LRRC20: variants seen among roughly 807,000 people sequenced by gnomAD.
LRRC20 encodes leucine-rich repeat-containing protein 20.
A neutral mutation model predicts 14.4 loss-of-function variants in LRRC20; 11 were observed. That is an observed-to-expected ratio of 0.77 (90% CI 0.48 to 1.27). LRRC20 has a LOEUF of 1.27. LRRC20 is among the 50% of genes most tolerant of loss of function. LRRC20 has a pLI of 0.00. For missense variants in LRRC20, 219 were observed against 251.2 expected (o/e 0.87, Z 0.87); for synonymous variants, 121 against 107.3 (o/e 1.13, Z -0.79).
In LRRC20 at chr10:70,340,701, G is replaced by A. The variant is rs754716669; in HGVS notation, c.84C>T (p.Asp28=). 2 of 1,614,138 alleles carry A rather than the reference G, an allele frequency of 1.2e-6. No individual in the cohort carries two copies. The highest frequency in any genetic ancestry group is 1.7e-6 in the Non-Finnish European group (2 of 1,180,006). ...ETVESGSDTL[D]LAECKLVSFP... is the part of the protein sequence containing the mutation. The stretch of plus-strand genomic sequence containing the variant: ...AGGAGACCAGCTTGCACTCGGCCAG[G>A]TCTGCAGCCAAAGAACAAAAACAAA... Residue 28 remains aspartate, a splice_region_variant and synonymous_variant, in exon 3 of 5, where the codon GAC becomes GAT. Transcript: ENST00000446961.
chr10:70,301,309 G>A lies in LRRC20; in HGVS notation c.*45C>T, dbSNP rs907483992. On this transcript the variant is annotated 3_prime_UTR_variant, in exon 5 of 5. Transcript: ENST00000446961. ...GCCTCCCTCCCTTCCAGGGTTCCAG[G>A]CCTGTGGCCTCTGCCCCTTGCTGGG... The A allele has an allele frequency of 3.2e-6, 5 of 1,586,418 alleles. No homozygotes were observed. The highest frequency in any genetic ancestry group is 1.3e-5 in the African/African-American group (1 of 74,362).
At chr10:70,370,831 GCAACA>G (rs113907397) in intron 2 of LRRC20, among the ~76,000 whole-genome samples, 91,512 of 151,574 alleles carry the variant, frequency 0.6, 27,988 homozygotes, top group Non-Finnish European at 0.65. Context: ...AACAGCCTAG[GCAACA>G]CAGTGAGACC....
intron 3 of LRRC20, among the ~76,000 whole-genome samples, chr10:70,325,450 T>G (rs1842281907): frequency 6.6e-6 from 1 of 152,152 alleles, no homozygotes; most frequent in African/African-American, 2.4e-5. Flanking sequence ...CAGGCTTGTG[T>G]TCCATGTGTC....
intron 4 of LRRC20, among the ~76,000 whole-genome samples, chr10:70,304,342 C>A (rs10762363): frequency 0.31 from 47,032 of 151,154 alleles, 8,077 homozygotes; most frequent in Non-Finnish European, 0.38. Flanking sequence ...CAAAATATTG[C>A]CCACGGTTGG....
intron 2 of LRRC20, among the ~76,000 whole-genome samples, chr10:70,373,765 C>A (rs376204549): frequency 7.1e-4 from 108 of 152,360 alleles, no homozygotes; most frequent in African/African-American, 2.6e-3. Flanking sequence ...TGCCCCCACC[C>A]CAGGGCTGCA....
chr10:70,363,528 G>C (rs899064606), intron 2 of LRRC20, among the ~76,000 whole-genome samples: 4 of 152,300 alleles, frequency 2.6e-5, no homozygotes, highest in Middle Eastern at 3.4e-3. Flanking sequence ...TGCTATGGAA[G>C]CCTGAATGAA....
rs185179267 is a variant in LRRC20, at chr10:70,314,549, T to C, written c.400+9314A>G. ...AAGAAGAAACCATTGGGCAACTACA[T>C]TGAGAGCTTTAAAAAATCATGAAGC... On this transcript the variant is annotated intron_variant, in intron 4 of 4. Transcript: ENST00000446961. Among the ~76,000 whole-genome samples, 568 of 152,252 alleles carry C rather than the reference T, an allele frequency of 3.7e-3. 5 individuals carry two copies. The highest frequency in any genetic ancestry group is 0.013 in the African/African-American group (547 of 41,542).
intron 3 of LRRC20, among the ~76,000 whole-genome samples, chr10:70,329,561 C>CT (rs375932907): frequency 0.16 from 20,480 of 124,822 alleles, 1,823 homozygotes; most frequent in Middle Eastern, 0.28. Flanking sequence ...CTTCTTTTGC[C>CT]TTTTTTTTTT....
At chr10:70,320,048 C>G (rs1345289352) in intron 4 of LRRC20, among the ~76,000 whole-genome samples, 1 of 152,094 alleles carries the variant, frequency 6.6e-6, no homozygotes, top group African/African-American at 2.4e-5. Context: ...TGGCCACAGG[C>G]AGAGAAAATG....
chr10:70,303,025 G>GAA (rs59254450), intron 4 of LRRC20, among the ~76,000 whole-genome samples: 10 of 145,670 alleles, frequency 6.9e-5, no homozygotes, highest in East Asian at 5.9e-4. Flanking sequence ...TTTCTTAAAA[G>GAA]AAAAAAAAAA....
At chr10:70,327,129 C>T (rs1013812877) in intron 3 of LRRC20, among the ~76,000 whole-genome samples, 2 of 152,166 alleles carry the variant, frequency 1.3e-5, no homozygotes, top group Non-Finnish European at 2.9e-5. Context: ...ATGGCCGATG[C>T]GGCCGTGGAA....
In LRRC20 at chr10:70,355,489, C is replaced by T. The variant is rs559305448; in HGVS notation, c.83-14787G>A. On this transcript the variant is annotated intron_variant, in intron 2 of 4. Transcript: ENST00000446961. ...GAAAGTCCCACCGCAATAGCACACACAGCTACTGGGCCCGGGAGGGTTGTC... is the reference window on the plus strand; with the variant it reads ...GAAAGTCCCACCGCAATAGCACACATAGCTACTGGGCCCGGGAGGGTTGTC... Among the ~76,000 whole-genome samples, 3 of 152,282 alleles carry T rather than the reference C, an allele frequency of 2.0e-5. No homozygotes were observed. The East Asian group carries it at 5.8e-4, about 29-fold the overall frequency.
intron 4 of LRRC20, among the ~76,000 whole-genome samples, chr10:70,310,450 T>C (rs1358663934): frequency 6.6e-6 from 1 of 152,194 alleles, no homozygotes. Flanking sequence ...CACCACGTCC[T>C]GCTGCTCCTC....
chr10:70,342,128 A>G (rs1589091282), intron 2 of LRRC20, among the ~76,000 whole-genome samples: 1 of 151,920 alleles, frequency 6.6e-6, no homozygotes, highest in Non-Finnish European at 1.5e-5. Context: ...GAGAAACCCC[A>G]TCTCTACTAA....
At chr10:70,343,111 C>G (rs1842971775) in intron 2 of LRRC20, among the ~76,000 whole-genome samples, 1 of 152,158 alleles carries the variant, frequency 6.6e-6, no homozygotes, top group Non-Finnish European at 1.5e-5. Context: ...TTCCAAGACC[C>G]AGCTCAAATG....
chr10:70,363,383 C>T (rs1025330096), intron 2 of LRRC20, among the ~76,000 whole-genome samples: 4 of 152,026 alleles, frequency 2.6e-5, no homozygotes, highest in Admixed American at 1.3e-4. Context: ...CCCCCACCCA[C>T]GGAGGACATG....
intron 3 of LRRC20, among the ~76,000 whole-genome samples, chr10:70,330,953 G>A (rs754712834): frequency 7.9e-5 from 12 of 152,180 alleles, no homozygotes; most frequent in Non-Finnish European, 1.8e-4. Flanking sequence ...GAGCCTGACC[G>A]GGGACCCGGG....
chr10:70,356,984 C>T (rs978917516), intron 2 of LRRC20, among the ~76,000 whole-genome samples: 18 of 152,256 alleles, frequency 1.2e-4, no homozygotes, highest in African/African-American at 4.1e-4. Context: ...AGATAAAGGA[C>T]ATGTCATATA....
chr10:70,375,922 C>G (rs1373758272), intron 2 of LRRC20, among the ~76,000 whole-genome samples: 1 of 152,040 alleles, frequency 6.6e-6, no homozygotes, highest in Non-Finnish European at 1.5e-5. Context: ...ATGCCCTGGC[C>G]AATTCAAAGC....
Sources: gnomAD v4.1 joint callset for allele counts (sites outside exome capture counted in the v4.1 genomes callset) on GRCh38, gnomAD v4.1.1 for gene constraint, MANE v1.5 for transcripts, NCBI Gene and HGNC (gene_info 2026-07-23, HGNC 2026-07-21) for gene names.